Variants in GLIS3 observed in about 807,000 individuals in gnomAD.
GLIS3 encodes the protein zinc finger protein GLIS3.
Under a neutral mutation model 78.6 loss-of-function variants are expected in GLIS3, and 53 were observed. The observed-to-expected ratio is 0.67, with a 90% CI of 0.54 to 0.85. GLIS3 has a LOEUF of 0.85. GLIS3 is among the 40% of genes least tolerant of loss of function. The probability of loss-of-function intolerance (pLI) is 0.00; values close to 1 mark genes in which losing one functional copy is unlikely to be tolerated. For synonymous variants in GLIS3, 684 were observed against 509.9 expected (o/e 1.34, Z -4.60); for missense variants, 1,703 against 1,231.1 (o/e 1.38, Z -5.74).
At chr9:4,001,798 T>G (rs1159826481) in intron 4 of GLIS3, among the ~76,000 whole-genome samples, 2 of 152,204 alleles carry the variant, frequency 1.3e-5, no homozygotes, top group Non-Finnish European at 2.9e-5. Flanking sequence ...CAAGTAATGA[T>G]CATCTGTACA....
chr9:4,186,502 G>C (rs4338160), intron 2 of GLIS3, among the ~76,000 whole-genome samples: 88,967 of 151,132 alleles, frequency 0.59, 26,484 homozygotes, highest in Middle Eastern at 0.66. Flanking sequence ...ATAATCCTTT[G>C]GGTATATACC....
intron 2 of GLIS3, among the ~76,000 whole-genome samples, chr9:4,246,030 G>A (rs1823772188): frequency 1.3e-5 from 2 of 152,104 alleles, no homozygotes; most frequent in Non-Finnish European, 2.9e-5. Flanking sequence ...AACATCCATT[G>A]TGAGTAGGAC....
At chr9:4,367,666 A>G in the GLIS3 span, among the ~76,000 whole-genome samples, 1 of 143,754 alleles carries the variant, frequency 7.0e-6, no homozygotes, top group Non-Finnish European at 1.5e-5. Flanking sequence ...AAAGTTCTCT[A>G]TGTGAGCAGA....
At chr9:4,294,196 T>C (rs191687731) in intron 1 of GLIS3, among the ~76,000 whole-genome samples, 2 of 152,338 alleles carry the variant, frequency 1.3e-5, no homozygotes, top group African/African-American at 4.8e-5. Flanking sequence ...ATGATGCTAC[T>C]GTGCATAGTT....
intron 4 of GLIS3, among the ~76,000 whole-genome samples, chr9:4,060,708 A>T (rs1385898844): frequency 6.6e-6 from 1 of 152,192 alleles, no homozygotes; most frequent in Non-Finnish European, 1.5e-5. Context: ...GCAACCTCTC[A>T]ACCTTGAATT....
In GLIS3 at chr9:4,153,759, G is replaced by A. The variant is rs190272315; in HGVS notation, c.389-27818C>T. On this transcript the variant is annotated intron_variant, in intron 2 of 10. Coordinates refer to ENST00000381971, the MANE Select transcript of GLIS3 (RefSeq NM_001042413.2). ...TTATAGTTTGGAAAGAAAAATCAAAGTTAAATGCTTATTCACATGACTTGT... is the reference window on the plus strand; with the variant it reads ...TTATAGTTTGGAAAGAAAAATCAAAATTAAATGCTTATTCACATGACTTGT... Among the ~76,000 whole-genome samples the A allele has an allele frequency of 1.6e-4, 24 of 152,322 alleles. No homozygotes were observed. The East Asian group carries it at 4.6e-3, about 29-fold the overall frequency.
the GLIS3 span, among the ~76,000 whole-genome samples, chr9:4,423,826 CATACTT>C: frequency 9.2e-5 from 14 of 152,176 alleles, no homozygotes; most frequent in Admixed American, 2.6e-4. Context: ...CACACAAACA[CATACTT>C]ATAATGTCAG....
At chr9:4,477,180 T>C in the GLIS3 span, among the ~76,000 whole-genome samples, 5 of 152,030 alleles carry the variant, frequency 3.3e-5, no homozygotes, top group South Asian at 1.0e-3. Context: ...CATCCACCAA[T>C]GGATGGATAA....
intron 2 of GLIS3, among the ~76,000 whole-genome samples, chr9:4,227,933 G>C (rs1168176396): frequency 6.6e-6 from 1 of 152,192 alleles, no homozygotes; most frequent in African/African-American, 2.4e-5. Context: ...AATGTACTTT[G>C]TGTTGAAATT....
At chr9:4,386,298 G>C in the GLIS3 span, 2 of 152,070 alleles carry the variant, frequency 1.3e-5, no homozygotes, top group Admixed American at 6.5e-5. Flanking sequence ...GGGCTGCAAT[G>C]AACATTTTCA....
chr9:4,201,402 T>A (rs1369428531), intron 2 of GLIS3, among the ~76,000 whole-genome samples: 1 of 152,220 alleles, frequency 6.6e-6, no homozygotes, highest in Non-Finnish European at 1.5e-5. Context: ...TGTCCCGTCT[T>A]TGTGGAAAAT....
chr9:4,371,401 C>T, the GLIS3 span, among the ~76,000 whole-genome samples: 2 of 152,228 alleles, frequency 1.3e-5, no homozygotes, highest in South Asian at 2.1e-4. Flanking sequence ...CCAGGCTCCT[C>T]CTCCCCATAA....
chr9:4,279,430 A>T (rs914713144), intron 2 of GLIS3, among the ~76,000 whole-genome samples: 1 of 149,726 alleles, frequency 6.7e-6, no homozygotes, highest in African/African-American at 2.4e-5. Context: ...ACACAAAGAA[A>T]GGTAGAGGAA....
the GLIS3 span, among the ~76,000 whole-genome samples, chr9:4,369,249 A>T: frequency 1.3e-5 from 2 of 152,124 alleles, no homozygotes; most frequent in Non-Finnish European, 2.9e-5. Flanking sequence ...GTTCCCAAAG[A>T]TGTTTTAAGA....
At chr9:4,478,862 T>C in the GLIS3 span, among the ~76,000 whole-genome samples, 2,028 of 152,300 alleles carry the variant, frequency 0.013, 48 homozygotes, top group African/African-American at 0.047. Flanking sequence ...GAATTTATCG[T>C]AGTTGAATCA....
At chr9:4,208,531 G>A (rs1820080064) in intron 2 of GLIS3, among the ~76,000 whole-genome samples, 1 of 152,184 alleles carries the variant, frequency 6.6e-6, no homozygotes, top group African/African-American at 2.4e-5. Flanking sequence ...GCCATTGCTG[G>A]AGTGGGCAGG....
rs138569146 is a variant in GLIS3 at position 3,891,549 on chromosome 9, T to C, written c.2128+7142A>G. 5.7e-3 allele frequency among the ~76,000 whole-genome samples: 873 copies of C among 152,166 alleles called. 26 individuals carry two copies. The highest frequency in any genetic ancestry group is 0.042 in the Admixed American group (644 of 15,270). On this transcript the variant is annotated intron_variant, in intron 7 of 10. Transcript: ENST00000381971. Reference sequence around the variant, plus strand: ...TCTCTACACAAAATAATTTTAAAAATAAATTAGCCAGGTGTGGTGGCACAT... The same window carrying C: ...TCTCTACACAAAATAATTTTAAAAACAAATTAGCCAGGTGTGGTGGCACAT...
chr9:3,927,427 A>C (rs1276328309), intron 6 of GLIS3, among the ~76,000 whole-genome samples: 1 of 152,224 alleles, frequency 6.6e-6, no homozygotes, highest in East Asian at 1.9e-4. Flanking sequence ...ACCCTTGGGT[A>C]GTACTTAACT....
At chr9:4,291,081 T>G (rs1815933140) in intron 1 of GLIS3, among the ~76,000 whole-genome samples, 1 of 152,076 alleles carries the variant, frequency 6.6e-6, no homozygotes, top group Non-Finnish European at 1.5e-5. Context: ...AGCAGAAAGT[T>G]AGGGAGGTTA....
Sources: allele counts gnomAD v4.1 joint callset (sites outside exome capture counted in the v4.1 genomes callset), GRCh38; gene constraint gnomAD v4.1.1; transcripts MANE v1.5; gene names NCBI Gene and HGNC (gene_info 2026-07-23, HGNC 2026-07-21).